NOL10: variants seen among roughly 807,000 people sequenced by gnomAD.
NOL10 encodes the protein H_NH0074G24.1.
A neutral mutation model predicts 103.5 loss-of-function variants in NOL10; 58 were observed. The ratio of observed to expected loss-of-function variants is 0.56; its 90% confidence interval spans 0.45 to 0.70. The LOEUF is 0.70. Among genes scored for constraint, NOL10 ranks in the 30% least tolerant of loss-of-function variants. The pLI, the probability that NOL10 is intolerant of heterozygous loss-of-function variation, is 0.00. For synonymous variants in NOL10, 287 were observed against 282.5 expected, an observed-to-expected ratio of 1.02 and a Z score of -0.16; for missense variants, 763 against 807.3, an observed-to-expected ratio of 0.95 and a Z score of 0.67.
At chr2:10,658,562 G>T (rs1173454688) in intron 10 of NOL10, among the ~76,000 whole-genome samples, 1 of 151,482 alleles carries the variant, frequency 6.6e-6, no homozygotes, top group Admixed American at 6.6e-5. Context: ...TATAGTTAAT[G>T]ATGCTATATT....
intron 14 of NOL10, among the ~76,000 whole-genome samples, chr2:10,603,994 G>A (rs992507738): frequency 1.4e-4 from 22 of 152,124 alleles, no homozygotes; most frequent in African/African-American, 3.6e-4. Context: ...ATTTTTCCAC[G>A]GATGCAGGGA....
chr2:10,668,777 G>C (rs1318428975), intron 6 of NOL10, 54 bp from the exon 7 acceptor site: 2 of 739,742 alleles, frequency 2.7e-6, no homozygotes, highest in Non-Finnish European at 4.2e-6. Flanking sequence ...GAAACTTTAA[G>C]TAAATATAAA....
chr2:10,587,130 C>CATAT (rs1217769428), intron 19 of NOL10, among the ~76,000 whole-genome samples: 2 of 31,764 alleles, frequency 6.3e-5, no homozygotes, highest in African/African-American at 3.9e-4. Context: ...CATATATATA[C>CATAT]ATATATACAC....
intron 14 of NOL10, chr2:10,604,561 G>A (rs1246928570): frequency 1.3e-5 from 2 of 152,170 alleles, no homozygotes; most frequent in African/African-American, 4.8e-5. Context: ...AAACGTGAAT[G>A]TATACAACTG....
intron 1 of NOL10, among the ~76,000 whole-genome samples, chr2:10,685,879 A>G (rs970062955): frequency 7.6e-5 from 8 of 104,746 alleles, no homozygotes; most frequent in African/African-American, 1.3e-4. Flanking sequence ...GCCTGGCAAT[A>G]AAGTGGGATC....
intron 12 of NOL10, among the ~76,000 whole-genome samples, chr2:10,651,136 C>A (rs1679426145): frequency 6.6e-6 from 1 of 152,212 alleles, no homozygotes; most frequent in Non-Finnish European, 1.5e-5. Context: ...TCCAGCCCTG[C>A]CTCCTGGAGA....
chr2:10,617,791 A>G (rs746745145), intron 13 of NOL10, among the ~76,000 whole-genome samples: 7 of 152,230 alleles, frequency 4.6e-5, no homozygotes, highest in Non-Finnish European at 8.8e-5. Flanking sequence ...ATCAAAAGGA[A>G]TAAAGTACTG....
intron 13 of NOL10, among the ~76,000 whole-genome samples, chr2:10,634,735 T>A (rs891824518): frequency 1.3e-5 from 2 of 152,088 alleles, no homozygotes; most frequent in African/African-American, 2.4e-5. Flanking sequence ...ATCCGAAGTC[T>A]AGGACGTTAT....
intron 13 of NOL10, among the ~76,000 whole-genome samples, chr2:10,609,684 G>GA (rs1380703115): frequency 6.6e-6 from 1 of 152,156 alleles, no homozygotes; most frequent in Non-Finnish European, 1.5e-5. Flanking sequence ...CGAGAGAGTT[G>GA]AGGCCCTTGT....
intron 14 of NOL10, 107 bp downstream of exon 14, chr2:10,607,078 T>C (rs542946700): frequency 3.3e-6 from 2 of 611,524 alleles, no homozygotes; most frequent in East Asian, 6.2e-5. Context: ...AAAGGGAAGA[T>C]TTAGGAGATG....
intron 13 of NOL10, among the ~76,000 whole-genome samples, chr2:10,627,023 G>A (rs1425679821): frequency 3.3e-5 from 5 of 152,140 alleles, no homozygotes; most frequent in South Asian, 4.1e-4. Flanking sequence ...GATGGGAAAC[G>A]GGGAGGATAT....
chr2:10,610,697 A>T (rs1461544104), intron 13 of NOL10, among the ~76,000 whole-genome samples: 1 of 152,044 alleles, frequency 6.6e-6, no homozygotes, highest in African/African-American at 2.4e-5. Context: ...GGCACGTCAC[A>T]CTCTCTGATG....
intron 13 of NOL10, among the ~76,000 whole-genome samples, chr2:10,611,087 C>T (rs1385837489): frequency 6.6e-6 from 1 of 152,124 alleles, no homozygotes; most frequent in South Asian, 2.1e-4. Context: ...GGTACTGCGC[C>T]CAGCAAATAT....
chr2:10,644,279 C>T (rs1269605631), intron 13 of NOL10, 41 bp downstream of exon 13: 3 of 1,334,208 alleles, frequency 2.2e-6, no homozygotes, highest in Non-Finnish European at 3.0e-6. Flanking sequence ...AGTATCTTTG[C>T]TTGTCCTATT....
Position 10,648,610 on chromosome 2 carries a change from C to T in NOL10, c.974-4238G>A, listed in dbSNP as rs576242038. ...TGACGACATCACTTAACAATGGGAT[C>T]AACCTTACCCCTCTCCAATACTGCA... On this transcript the variant is annotated intron_variant, in intron 12 of 20. Coordinates refer to ENST00000381685, the MANE Select transcript of NOL10 (RefSeq NM_024894.4). Among the ~76,000 whole-genome samples, 5 of 152,242 alleles carry T rather than the reference C, an allele frequency of 3.3e-5. No homozygotes were observed. The South Asian group carries it at 1.0e-3, about 32-fold the overall frequency.
chr2:10,634,492 A>G, intron 13 of NOL10: 3 of 456,632 alleles, frequency 6.6e-6, no homozygotes, highest in Non-Finnish European at 8.8e-6. Context: ...AGGATGTGCT[A>G]TTAGACATCC....
At chr2:10,687,303 A>G (rs902129) in intron 1 of NOL10, among the ~76,000 whole-genome samples, 151,876 of 152,304 alleles carry the variant, frequency 1, 75,725 homozygotes, top group Middle Eastern at 1. Context: ...GTCGATGGTC[A>G]TTTTTCTGCC....
intron 19 of NOL10, among the ~76,000 whole-genome samples, chr2:10,587,013 A>G (rs1572237976): frequency 8.5e-6 from 1 of 117,056 alleles, no homozygotes; most frequent in South Asian, 2.5e-4. Context: ...TAGACTTTCT[A>G]GTGAAAATAA....
intron 12 of NOL10, among the ~76,000 whole-genome samples, chr2:10,645,645 T>C (rs1445725571): frequency 6.6e-6 from 1 of 151,712 alleles, no homozygotes; most frequent in Non-Finnish European, 1.5e-5. Flanking sequence ...GTCATTCTCC[T>C]GCCTCAGCCT....
Sources: gnomAD v4.1 joint callset for allele counts (sites outside exome capture counted in the v4.1 genomes callset) on GRCh38, gnomAD v4.1.1 for gene constraint, MANE v1.5 for transcripts, NCBI Gene and HGNC (gene_info 2026-07-23, HGNC 2026-07-21) for gene names.